The following LYPD6B variants were observed in gnomAD, a reference collection of about 807,000 sequenced individuals.
LYPD6B encodes the protein LY6/PLAUR domain containing 6B, also known as ly6/PLAUR domain-containing protein 6B.
In LYPD6B, 17 loss-of-function variants were observed where a neutral mutation model predicts 22.8. That is an observed-to-expected ratio of 0.75 (90% CI 0.51 to 1.12). The LOEUF is 1.12. Ranked by LOEUF, LYPD6B falls within the 50% of genes most tolerant of loss-of-function variation. LYPD6B has a pLI of 0.00. For synonymous variants in LYPD6B, 106 were observed against 91.6 expected, an observed-to-expected ratio of 1.16 and a Z score of -0.90; for missense variants, 221 against 258.3, an observed-to-expected ratio of 0.86 and a Z score of 0.99.
At chr2:149,192,465 A>G (rs528628433) in intron 3 of LYPD6B, among the ~76,000 whole-genome samples, 3 of 135,972 alleles carry the variant, frequency 2.2e-5, no homozygotes, top group East Asian at 4.2e-4. Flanking sequence ...GACTCTGTCT[A>G]TGTTTTCACC....
chr2:149,095,240 G>A (rs1574956780), intron 1 of LYPD6B, among the ~76,000 whole-genome samples: 2 of 152,170 alleles, frequency 1.3e-5, no homozygotes, highest in Admixed American at 1.3e-4. Flanking sequence ...AGGTTGCAGT[G>A]AGCTGAGATT....
chr2:149,209,921 A>T (rs200265552), intron 5 of LYPD6B, among the ~76,000 whole-genome samples: 13 of 98,060 alleles, frequency 1.3e-4, no homozygotes, highest in African/African-American at 4.0e-4. Flanking sequence ...CATTTTCAAC[A>T]GAAATTTATC....
intron 6 of LYPD6B, among the ~76,000 whole-genome samples, chr2:149,213,468 G>A (rs566210394): frequency 5.3e-4 from 80 of 152,302 alleles, no homozygotes; most frequent in African/African-American, 1.8e-3. Flanking sequence ...AGATGAGGAA[G>A]GGAGTCTGAA....
chr2:149,205,252 GA>G lies in LYPD6B; in HGVS notation c.78del (p.Arg26SerfsTer23). 1 of 1,607,590 alleles carries G rather than the reference GA, an allele frequency of 6.2e-7. No homozygotes were observed. The highest frequency in any genetic ancestry group is 8.5e-7 in the Non-Finnish European group (1 of 1,178,136). On this transcript the variant is annotated frameshift_variant and splice_region_variant, in exon 4 of 7. Transcript: ENST00000409642. LOFTEE classifies it high-confidence loss of function. ...RSLTTTFSFS[R>X]YKSSDRPAHK... ...TGAACCAGTGTGTCTTTTCACCATA[GA>G]TATAAGAGTTCGGACCGCCCAGCAC...
intron 1 of LYPD6B, among the ~76,000 whole-genome samples, chr2:149,062,325 T>G (rs1292633134): frequency 6.6e-6 from 1 of 152,144 alleles, no homozygotes; most frequent in East Asian, 1.9e-4. Flanking sequence ...GAAAATAACA[T>G]GTAAAATATG....
chr2:149,098,138 C>T (rs1252744099), intron 1 of LYPD6B, among the ~76,000 whole-genome samples: 1 of 151,890 alleles, frequency 6.6e-6, no homozygotes, highest in Non-Finnish European at 1.5e-5. Context: ...CTCATGTGCT[C>T]CCTGAATGAT....
chr2:149,089,719 T>C (rs1264781347), intron 1 of LYPD6B, among the ~76,000 whole-genome samples: 1 of 152,250 alleles, frequency 6.6e-6, no homozygotes, highest in Non-Finnish European at 1.5e-5. Context: ...CCTGGTTTTC[T>C]GTGTACTGGT....
intron 2 of LYPD6B, among the ~76,000 whole-genome samples, chr2:149,158,986 T>G (rs1689879077): frequency 1.3e-5 from 2 of 152,206 alleles, no homozygotes; most frequent in African/African-American, 4.8e-5. Context: ...TCAAAGGATA[T>G]GGAGTTCATT....
rs1384428705 is a variant in LYPD6B at position 149,142,658 on chromosome 2, C to T, written c.5+11705C>T. Reference sequence around the variant, plus strand: ...CCCATAGACAACTTTTTCTTATCTCCTGTCTTTAAAAAAAAAAGTTTTAAT... The same window carrying T: ...CCCATAGACAACTTTTTCTTATCTCTTGTCTTTAAAAAAAAAAGTTTTAAT... On this transcript the variant is annotated intron_variant, in intron 2 of 6. Transcript: ENST00000409642. Among the ~76,000 whole-genome samples the T allele has an allele frequency of 2.0e-5, 3 of 152,210 alleles. No homozygotes were observed. In the East Asian group the frequency reaches 5.8e-4, roughly 29 times the overall value.
intron 3 of LYPD6B, among the ~76,000 whole-genome samples, chr2:149,184,490 A>C (rs1458050760): frequency 1.3e-5 from 2 of 152,162 alleles, no homozygotes; most frequent in Admixed American, 6.5e-5. Flanking sequence ...AATGTGTAGA[A>C]AGTTAAGTAG....
At chr2:149,103,029 T>G (rs529611791) in intron 1 of LYPD6B, among the ~76,000 whole-genome samples, 1 of 152,208 alleles carries the variant, frequency 6.6e-6, no homozygotes, top group Non-Finnish European at 1.5e-5. Flanking sequence ...ATGAATATAC[T>G]TCTATGTACA....
intron 3 of LYPD6B, chr2:149,187,555 T>G: frequency 6.9e-7 from 1 of 1,445,412 alleles, no homozygotes; most frequent in Non-Finnish European, 9.1e-7. Flanking sequence ...GCAACGTCAA[T>G]GAACAACATG....
chr2:149,122,979 G>A (rs2105623302), intron 1 of LYPD6B, among the ~76,000 whole-genome samples: 1 of 152,282 alleles, frequency 6.6e-6, no homozygotes, highest in South Asian at 2.1e-4. Flanking sequence ...TTTCAATGTG[G>A]AGTGTTCTTA....
intron 3 of LYPD6B, among the ~76,000 whole-genome samples, chr2:149,192,194 A>G (rs1575155452): frequency 6.6e-6 from 1 of 151,922 alleles, no homozygotes; most frequent in East Asian, 1.9e-4. Flanking sequence ...GTTAGAGTTA[A>G]CCTCACTGTA....
At chr2:149,110,918 G>A (rs1418508481) in intron 1 of LYPD6B, among the ~76,000 whole-genome samples, 1 of 152,168 alleles carries the variant, frequency 6.6e-6, no homozygotes, top group East Asian at 1.9e-4. Flanking sequence ...CTCTATATGT[G>A]TCTGGGAAGA....
At chr2:149,122,563 TC>T (rs940655213) in intron 1 of LYPD6B, among the ~76,000 whole-genome samples, 10 of 49,648 alleles carry the variant, frequency 2.0e-4, no homozygotes, top group Admixed American at 4.1e-4. Flanking sequence ...ATGCTATCCC[TC>T]CCCCCTCCCC....
At chr2:149,168,079 A>G (rs1247261204) in intron 3 of LYPD6B, among the ~76,000 whole-genome samples, 1 of 151,686 alleles carries the variant, frequency 6.6e-6, no homozygotes, top group Non-Finnish European at 1.5e-5. Flanking sequence ...ACGCAGGGGC[A>G]TTTGCCTGTA....
intron 1 of LYPD6B, among the ~76,000 whole-genome samples, chr2:149,055,050 T>G (rs1307495279): frequency 3.3e-5 from 5 of 152,202 alleles, no homozygotes; most frequent in Non-Finnish European, 7.3e-5. Flanking sequence ...ATTTGATCTA[T>G]TTTTAGTCAA....
chr2:149,051,099 C>T (rs1683530594), intron 1 of LYPD6B, among the ~76,000 whole-genome samples: 1 of 151,694 alleles, frequency 6.6e-6, no homozygotes, highest in Non-Finnish European at 1.5e-5. Flanking sequence ...CACATTACAA[C>T]TCATGTTTAA....
Sources: gnomAD v4.1 joint callset for allele counts (sites outside exome capture counted in the v4.1 genomes callset) on GRCh38, gnomAD v4.1.1 for gene constraint, MANE v1.5 for transcripts, NCBI Gene and HGNC (gene_info 2026-07-23, HGNC 2026-07-21) for gene names.